The following PDE1A variants were observed in gnomAD, a reference collection of about 807,000 sequenced individuals.
PDE1A encodes dual specificity calcium/calmodulin-dependent 3',5'-cyclic nucleotide phosphodiesterase 1A.
In PDE1A, 35 loss-of-function variants were observed where a neutral mutation model predicts 61.7. The observed-to-expected ratio is 0.57, with a 90% CI of 0.43 to 0.75. The LOEUF is 0.75. Ranked by LOEUF, PDE1A falls within the 30% of genes least tolerant of loss-of-function variation. The pLI, the probability that PDE1A is intolerant of heterozygous loss-of-function variation, is 0.00. For missense variants in PDE1A, 597 were observed against 630.6 expected (o/e 0.95, Z 0.57); for synonymous variants, 232 against 213.2 (o/e 1.09, Z -0.77).
At chr2:182,462,727 C>A (rs1686390771) in intron 2 of PDE1A, among the ~76,000 whole-genome samples, 1 of 151,696 alleles carries the variant, frequency 6.6e-6, no homozygotes, top group South Asian at 2.1e-4. Context: ...ATGTCCCCTC[C>A]CCAACAAGAA....
chr2:182,577,737 T>C, the PDE1A span, among the ~76,000 whole-genome samples: 4 of 152,186 alleles, frequency 2.6e-5, no homozygotes, highest in Non-Finnish European at 4.4e-5. Context: ...CTGGCCAACA[T>C]AGCAAAACCC....
chr2:182,387,587 A>G (rs943387260), intron 1 of PDE1A, among the ~76,000 whole-genome samples: 14 of 152,114 alleles, frequency 9.2e-5, no homozygotes, highest in Admixed American at 3.3e-4. Context: ...GTGAAACTTC[A>G]TCTCTACTAA....
At chr2:182,424,027 C>A (rs1294991868) in intron 1 of PDE1A, among the ~76,000 whole-genome samples, 2 of 151,094 alleles carry the variant, frequency 1.3e-5, no homozygotes, top group African/African-American at 4.9e-5. Context: ...TCACTGCGAC[C>A]TCCGCCTCCA....
At chr2:182,618,732 G>GT in the PDE1A span, among the ~76,000 whole-genome samples, 16 of 152,178 alleles carry the variant, frequency 1.1e-4, 1 homozygote, top group Non-Finnish European at 1.8e-4. Flanking sequence ...ACATGAGTCA[G>GT]TGACAACAAG....
chr2:182,642,333 T>C, the PDE1A span, among the ~76,000 whole-genome samples: 149 of 152,294 alleles, frequency 9.8e-4, no homozygotes, highest in African/African-American at 3.4e-3. Context: ...AACAACATCA[T>C]CAGAACTCTG....
intron 1 of PDE1A, among the ~76,000 whole-genome samples, chr2:182,397,743 T>G (rs1701789716): frequency 6.6e-6 from 1 of 152,106 alleles, no homozygotes; most frequent in South Asian, 2.1e-4. Flanking sequence ...CTGTATAAAC[T>G]CTTTAAGATC....
the PDE1A span, among the ~76,000 whole-genome samples, chr2:182,616,117 A>G: frequency 1.3e-5 from 2 of 152,236 alleles, no homozygotes; most frequent in Non-Finnish European, 2.9e-5. Flanking sequence ...GAATGTTGTA[A>G]GAATTAAGTT....
At chr2:182,700,297 C>T in the PDE1A span, among the ~76,000 whole-genome samples, 3 of 152,278 alleles carry the variant, frequency 2.0e-5, no homozygotes, top group East Asian at 3.9e-4. Flanking sequence ...GTAGGCCGGG[C>T]GCGGTGGCTC....
chr2:182,192,446 T>C (rs1424513003), intron 10 of PDE1A, among the ~76,000 whole-genome samples: 4 of 152,102 alleles, frequency 2.6e-5, no homozygotes. Flanking sequence ...TAGGGGGCCC[T>C]GTAGGTAAAC....
chr2:182,565,091 G>T, the PDE1A span, among the ~76,000 whole-genome samples: 1 of 152,188 alleles, frequency 6.6e-6, no homozygotes, highest in Non-Finnish European at 1.5e-5. Context: ...TTCCGTTGCT[G>T]GTGAGGAACT....
intron 7 of PDE1A, among the ~76,000 whole-genome samples, chr2:182,217,827 TA>T (rs1252012795): frequency 6.6e-6 from 1 of 151,634 alleles, no homozygotes; most frequent in Admixed American, 6.6e-5. Context: ...GGTGGGACTG[TA>T]AACTAGTTCA....
At chr2:182,337,582 A>G (rs1697919038) in intron 1 of PDE1A, among the ~76,000 whole-genome samples, 1 of 152,198 alleles carries the variant, frequency 6.6e-6, no homozygotes, top group African/African-American at 2.4e-5. Flanking sequence ...AATTTGGAGA[A>G]TGGCCTTTTG....
At chr2:182,629,541 C>A in the PDE1A span, among the ~76,000 whole-genome samples, 1 of 152,206 alleles carries the variant, frequency 6.6e-6, no homozygotes, top group Non-Finnish European at 1.5e-5. Flanking sequence ...CACAGTTTAT[C>A]AGCATCCTGC....
the PDE1A span, among the ~76,000 whole-genome samples, chr2:182,686,429 A>C: frequency 3.3e-5 from 5 of 152,186 alleles, no homozygotes; most frequent in African/African-American, 1.2e-4. Flanking sequence ...AACTATTCTT[A>C]CTAGTATTCA....
the PDE1A span, among the ~76,000 whole-genome samples, chr2:182,636,122 AT>A: frequency 2.0e-5 from 3 of 149,928 alleles, no homozygotes; most frequent in Non-Finnish European, 3.0e-5. Context: ...TGCCCGGCTA[AT>A]TTTTTTTTGT....
intron 1 of PDE1A, among the ~76,000 whole-genome samples, chr2:182,363,898 G>C (rs1699661779): frequency 6.6e-6 from 1 of 151,978 alleles, no homozygotes; most frequent in Non-Finnish European, 1.5e-5. Flanking sequence ...AGAACGTATA[G>C]ATGGAAATAG....
chr2:182,443,363 C>T (rs1684916239), intron 2 of PDE1A, among the ~76,000 whole-genome samples: 1 of 151,910 alleles, frequency 6.6e-6, no homozygotes, highest in Admixed American at 6.6e-5. Flanking sequence ...TATAGTCTGG[C>T]TATGATATGG....
At chr2:182,682,401 C>G in the PDE1A span, among the ~76,000 whole-genome samples, 4 of 151,904 alleles carry the variant, frequency 2.6e-5, no homozygotes, top group African/African-American at 9.7e-5. Context: ...AAATGTTGCT[C>G]AACAGGAAGC....
At chr2:182,534,607 C>T in the PDE1A span, among the ~76,000 whole-genome samples, 2 of 151,378 alleles carry the variant, frequency 1.3e-5, no homozygotes, top group Admixed American at 1.3e-4. Context: ...ATACCTGCTG[C>T]AATTTTTAAT....
Sources: allele counts gnomAD v4.1 joint callset (sites outside exome capture counted in the v4.1 genomes callset), GRCh38; gene constraint gnomAD v4.1.1; transcripts MANE v1.5; gene names NCBI Gene and HGNC (gene_info 2026-07-23, HGNC 2026-07-21).